ARHGEF7: variants seen among roughly 807,000 people sequenced by gnomAD.
ARHGEF7 encodes Rho guanine nucleotide exchange factor 7.
ARHGEF7 carries 33 observed loss-of-function variants against 109.8 expected under a neutral mutation model. That is an observed-to-expected ratio of 0.30 (90% CI 0.23 to 0.40). The LOEUF is 0.40. ARHGEF7 is among the 10% of genes least tolerant of loss of function. ARHGEF7 has a pLI of 1.00. For missense variants in ARHGEF7, 938 were observed against 1,098.5 expected, an observed-to-expected ratio of 0.85 and a Z score of 2.07; for synonymous variants, 458 against 424.6, an observed-to-expected ratio of 1.08 and a Z score of -0.97.
At chr13:111,237,426 A>G (rs1595051360) in intron 6 of ARHGEF7, among the ~76,000 whole-genome samples, 3 of 152,368 alleles carry the variant, frequency 2.0e-5, no homozygotes, top group Admixed American at 6.5e-5. Flanking sequence ...CTAATGGTGG[A>G]AATGTAAATC....
intron 1 of ARHGEF7, among the ~76,000 whole-genome samples, chr13:111,120,494 C>T (rs1014852302): frequency 1.3e-5 from 2 of 150,654 alleles, no homozygotes; most frequent in Non-Finnish European, 3.0e-5. Context: ...CAGACACATG[C>T]GTGTACATAG....
Position 111,286,252 on chromosome 13 carries a change from C to A in ARHGEF7, c.2044+12C>A, listed in dbSNP as rs200499722. On this transcript the variant is annotated intron_variant, in intron 17 of 21. Transcript: ENST00000646102. ...CGCGTCCCGGAAAAGTGAGTACCTGCGGTCCGTGTGGTGGAGGACGTGGCC... is the reference window on the plus strand; with the variant it reads ...CGCGTCCCGGAAAAGTGAGTACCTGAGGTCCGTGTGGTGGAGGACGTGGCC... 2 of 1,607,880 alleles carry A rather than the reference C, an allele frequency of 1.2e-6. No individual in the cohort carries two copies. Among genetic ancestry groups the A allele is most frequent in the African/African-American group, 1.3e-5 (1 of 74,736 alleles).
chr13:111,141,630 A>ATT (rs1782938810), intron 1 of ARHGEF7, among the ~76,000 whole-genome samples: 2 of 148,426 alleles, frequency 1.3e-5, no homozygotes, highest in Admixed American at 6.7e-5. Context: ...AGGTTCCTCC[A>ATT]TATTTTTTTT....
upstream of ARHGEF7, chr13:111,114,826 C>T (rs907020783): frequency 1.3e-5 from 2 of 152,230 alleles, no homozygotes; most frequent in Admixed American, 1.3e-4. Context: ...ACCCATATGG[C>T]TTCAGATGGA....
At chr13:111,221,957 C>T (rs765680937) in intron 5 of ARHGEF7, among the ~76,000 whole-genome samples, 8 of 152,120 alleles carry the variant, frequency 5.3e-5, no homozygotes, top group Non-Finnish European at 8.8e-5. Context: ...AAGAAGCATC[C>T]AGCATGGGAG....
rs143418952 is a variant in ARHGEF7 at position 111,296,278 on chromosome 13, T to A, written c.2311+3984T>A. Among the ~76,000 whole-genome samples, 223 of 152,294 alleles carry A rather than the reference T, an allele frequency of 1.5e-3. 1 individual carries two copies. The highest frequency in any genetic ancestry group is 5.1e-3 in the African/African-American group (213 of 41,554). On this transcript the variant is annotated intron_variant, in intron 19 of 21. Coordinates refer to ENST00000646102, the MANE Select transcript of ARHGEF7 (RefSeq NM_001354046.2). The stretch of plus-strand genomic sequence containing the variant: ...GGGGGAGGGGCAGGGTTCTCAGACA[T>A]CCCTAAAATGTTAAGTTTTGTGCTC...
intron 5 of ARHGEF7, among the ~76,000 whole-genome samples, chr13:111,229,210 C>T (rs1423880942): frequency 6.6e-6 from 1 of 152,176 alleles, no homozygotes; most frequent in Non-Finnish European, 1.5e-5. Flanking sequence ...CAGAAAGGAT[C>T]TTCTCAAGGA....
chr13:111,253,258 A>G (rs1289252212), intron 8 of ARHGEF7, among the ~76,000 whole-genome samples: 1 of 152,260 alleles, frequency 6.6e-6, no homozygotes, highest in African/African-American at 2.4e-5. Flanking sequence ...TAGTCTGGGA[A>G]TGTGGAACAG....
At chr13:111,133,812 T>A (rs2577802) in intron 1 of ARHGEF7, among the ~76,000 whole-genome samples, 39,033 of 61,876 alleles carry the variant, frequency 0.63, 11,199 homozygotes, top group Middle Eastern at 0.71. Context: ...TATATATATA[T>A]ATTTATTATA....
At chr13:111,221,789 C>T (rs556948929) in intron 5 of ARHGEF7, among the ~76,000 whole-genome samples, 2 of 151,408 alleles carry the variant, frequency 1.3e-5, no homozygotes, top group African/African-American at 4.9e-5. Flanking sequence ...AAAGAACCCT[C>T]ATACACCTAT....
At chr13:111,122,205 T>C (rs987183097) in intron 1 of ARHGEF7, among the ~76,000 whole-genome samples, 1 of 152,142 alleles carries the variant, frequency 6.6e-6, no homozygotes, top group Non-Finnish European at 1.5e-5. Context: ...AGCTGCTGAG[T>C]GCACACAGCT....
At chr13:111,232,345 C>T (rs940164410) in intron 5 of ARHGEF7, among the ~76,000 whole-genome samples, 1 of 152,116 alleles carries the variant, frequency 6.6e-6, no homozygotes, top group East Asian at 1.9e-4. Flanking sequence ...CACACCACCC[C>T]ATAGAACTAT....
At chr13:111,262,033 C>G (rs372181777) in intron 8 of ARHGEF7, among the ~76,000 whole-genome samples, 2 of 152,068 alleles carry the variant, frequency 1.3e-5, no homozygotes, top group African/African-American at 4.8e-5. Context: ...AAATAAACAA[C>G]CTTAATGATG....
intron 2 of ARHGEF7, among the ~76,000 whole-genome samples, chr13:111,179,126 T>A (rs987727277): frequency 2.0e-5 from 3 of 151,840 alleles, no homozygotes; most frequent in African/African-American, 7.3e-5. Flanking sequence ...TCACCTAGGT[T>A]GGAGTGCAGT....
chr13:111,274,277 C>T (rs1425722159), intron 10 of ARHGEF7, among the ~76,000 whole-genome samples: 2 of 152,220 alleles, frequency 1.3e-5, no homozygotes, highest in Non-Finnish European at 2.9e-5. Flanking sequence ...TAGGGTAATA[C>T]TGTACTAATC....
At chr13:111,259,375 C>A (rs1390411212) in intron 8 of ARHGEF7, among the ~76,000 whole-genome samples, 1 of 152,178 alleles carries the variant, frequency 6.6e-6, no homozygotes, top group Admixed American at 6.5e-5. Flanking sequence ...TCCAGCTACT[C>A]ATCTCACACA....
intron 4 of ARHGEF7, among the ~76,000 whole-genome samples, chr13:111,211,006 A>G (rs753838242): frequency 6.6e-6 from 1 of 152,188 alleles, no homozygotes; most frequent in Non-Finnish European, 1.5e-5. Context: ...ATGGAAAGAT[A>G]TGCGAGGAAT....
chr13:111,273,978 G>A lies in ARHGEF7; in HGVS notation c.1212+26G>A. 2 of 1,610,948 alleles carry A rather than the reference G, an allele frequency of 1.2e-6. No individual in the cohort carries two copies. Among genetic ancestry groups the A allele is most frequent in the Non-Finnish European group, 1.7e-6 (2 of 1,177,438 alleles). The stretch of plus-strand genomic sequence containing the variant: ...GTACTGCGCTTTCATTCTCTTACTT[G>A]GAGTCCTTACCAAGGGTTAGTGGCA... On this transcript the variant is annotated intron_variant, in intron 10 of 21. Coordinates refer to ENST00000646102, the MANE Select transcript of ARHGEF7 (RefSeq NM_001354046.2). The surrounding 1 kb of genome is among the most constrained non-coding windows in gnomAD (Gnocchi z 4.5).
chr13:111,154,038 G>T (rs1029831701), intron 2 of ARHGEF7, 47 bp downstream of exon 2: 4 of 1,551,660 alleles, frequency 2.6e-6, no homozygotes, highest in Non-Finnish European at 1.7e-6. Context: ...GGAAGACGGG[G>T]TTGGGCCCGG....
Sources: gnomAD v4.1 joint callset for allele counts (sites outside exome capture counted in the v4.1 genomes callset) on GRCh38, gnomAD v4.1.1 for gene constraint, Gnocchi (gnomAD v3.1) non-coding constraint, MANE v1.5 for transcripts, NCBI Gene and HGNC (gene_info 2026-07-23, HGNC 2026-07-21) for gene names.